Variants in ATP2B2 observed in about 807,000 individuals in gnomAD.
ATP2B2 encodes plasma membrane calcium-transporting ATPase 2.
ATP2B2 carries 15 observed loss-of-function variants against 120.0 expected under a neutral mutation model. That is an observed-to-expected ratio of 0.12 (90% CI 0.08 to 0.19). The LOEUF (loss-of-function observed/expected upper bound fraction) is 0.19, where lower values mean the gene tolerates loss of function less well. Among genes scored for constraint, ATP2B2 ranks in the 10% least tolerant of loss-of-function variants. The pLI is 1.00. For missense variants in ATP2B2, 1,045 were observed against 1,719.8 expected, an observed-to-expected ratio of 0.61 and a Z score of 6.94; for synonymous variants, 694 against 700.3, an observed-to-expected ratio of 0.99 and a Z score of 0.14.
chr3:10,339,123 C>A (rs954567376), intron 21 of ATP2B2, among the ~76,000 whole-genome samples: 1 of 152,152 alleles, frequency 6.6e-6, no homozygotes, highest in Non-Finnish European at 1.5e-5. Context: ...GTCAGCACTG[C>A]CCGCTGGCAT....
chr3:10,466,978 A>G (rs1258176115), intron 1 of ATP2B2, among the ~76,000 whole-genome samples: 1 of 152,186 alleles, frequency 6.6e-6, no homozygotes, highest in African/African-American at 2.4e-5. Flanking sequence ...AAGCCTGGTA[A>G]TGAAGTCTGC....
At chr3:10,699,818 CT>C (rs771176506) in intron 1 of ATP2B2, among the ~76,000 whole-genome samples, 1 of 152,102 alleles carries the variant, frequency 6.6e-6, no homozygotes, top group Non-Finnish European at 1.5e-5. Context: ...GTTCAGCCCC[CT>C]TTTGCTGTCC....
chr3:10,577,084 G>A (rs1202043309), intron 2 of ATP2B2, among the ~76,000 whole-genome samples: 1 of 150,312 alleles, frequency 6.7e-6, no homozygotes, highest in African/African-American at 2.5e-5. Flanking sequence ...GAAGCTGCCT[G>A]GGTATGGTCC....
At chr3:10,471,365 T>TGAGA (rs1491303327) in intron 1 of ATP2B2, among the ~76,000 whole-genome samples, 1 of 1,068 alleles carries the variant, frequency 9.4e-4, no homozygotes, top group East Asian at 0.12. Context: ...TCAGGAAACC[T>TGAGA]GTGTGTGTGT....
intron 2 of ATP2B2, among the ~76,000 whole-genome samples, chr3:10,607,241 G>A (rs1369043724): frequency 6.6e-6 from 1 of 152,132 alleles, no homozygotes; most frequent in Non-Finnish European, 1.5e-5. Context: ...AATAAGCCCA[G>A]GCAGTGGAAA....
At chr3:10,422,961 C>G (rs896599475) in intron 2 of ATP2B2, among the ~76,000 whole-genome samples, 1 of 152,166 alleles carries the variant, frequency 6.6e-6, no homozygotes, top group Non-Finnish European at 1.5e-5. Context: ...CCCACATGGG[C>G]AGGGAAGTGG....
At chr3:10,407,521 C>T (rs1443931939) in intron 3 of ATP2B2, among the ~76,000 whole-genome samples, 1 of 152,216 alleles carries the variant, frequency 6.6e-6, no homozygotes, top group African/African-American at 2.4e-5. Context: ...GGGCTGCCCG[C>T]CCTCTCAGAA....
At position 10,622,881 on chromosome 3, in the gene ATP2B2, C is replaced by T. The variant is rs573904010; in HGVS notation, c.-459-2920G>A. On this transcript the variant is annotated intron_variant, in intron 1 of 21. Coordinates refer to the ATP2B2 transcript ENST00000646379. ...GAAACCATTGCCTGGGCTTGAATCT[C>T]GGCTCCATAGCTTCCTGGCCCATGT... is the stretch of plus-strand genomic sequence containing the variant. Among the ~76,000 whole-genome samples the T allele has an allele frequency of 4.7e-4, 72 of 152,296 alleles. No homozygotes were observed. The South Asian group carries it at 0.011, about 22-fold the overall frequency.
chr3:10,503,915 G>C (rs1421213768), intron 1 of ATP2B2, among the ~76,000 whole-genome samples: 1 of 152,236 alleles, frequency 6.6e-6, no homozygotes, highest in Non-Finnish European at 1.5e-5. Context: ...CTGCATTCGT[G>C]TGTGTGCTGT....
intron 22 of ATP2B2, among the ~76,000 whole-genome samples, chr3:10,332,476 T>G (rs181573922): frequency 2.0e-5 from 3 of 152,230 alleles, no homozygotes; most frequent in African/African-American, 7.2e-5. Flanking sequence ...GGCTTTGCCT[T>G]GGATCGAAGT....
intron 17 of ATP2B2, 123 bp downstream of exon 17, chr3:10,345,908 G>C: frequency 1.0e-6 from 1 of 989,260 alleles, no homozygotes; most frequent in Non-Finnish European, 1.5e-6. Context: ...AGAAGGGTGG[G>C]CACCCACGGC....
At chr3:10,389,483 T>C (rs2061781588) in intron 5 of ATP2B2, among the ~76,000 whole-genome samples, 1 of 152,166 alleles carries the variant, frequency 6.6e-6, no homozygotes. Flanking sequence ...CTGCAGTAAG[T>C]AAGTGAGCCA....
intron 12 of ATP2B2, among the ~76,000 whole-genome samples, chr3:10,365,866 G>GATGAGTGGTGTGTTT (rs2061040871): frequency 3.5e-3 from 16 of 4,636 alleles, no homozygotes; most frequent in Admixed American, 4.1e-3. Flanking sequence ...TGGTGTGTGT[G>GATGAGTGGTGTGTTT]TATGTGTCAC....
chr3:10,357,512 C>CGGA (rs2060771037), intron 14 of ATP2B2, among the ~76,000 whole-genome samples: 1 of 152,098 alleles, frequency 6.6e-6, no homozygotes, highest in Non-Finnish European at 1.5e-5. Flanking sequence ...TCTTGTCTAT[C>CGGA]CCTTTTACCT....
intron 2 of ATP2B2, among the ~76,000 whole-genome samples, chr3:10,550,607 C>T (rs1189293768): frequency 6.6e-6 from 1 of 152,130 alleles, no homozygotes; most frequent in Non-Finnish European, 1.5e-5. Context: ...CAATGAAAGT[C>T]AACAGGAGTA....
intron 1 of ATP2B2, among the ~76,000 whole-genome samples, chr3:10,643,806 G>A (rs897981994): frequency 1.3e-5 from 2 of 152,106 alleles, no homozygotes; most frequent in Non-Finnish European, 2.9e-5. Flanking sequence ...ACTGGATCCT[G>A]TGCTGGAGGA....
chr3:10,679,011 T>C (rs1489963903), intron 1 of ATP2B2, among the ~76,000 whole-genome samples: 1 of 152,146 alleles, frequency 6.6e-6, no homozygotes, highest in African/African-American at 2.4e-5. Context: ...TAGTATGGGA[T>C]CTGGAAGTCA....
At chr3:10,332,905 A>G (rs556024573) in intron 22 of ATP2B2, among the ~76,000 whole-genome samples, 5 of 152,320 alleles carry the variant, frequency 3.3e-5, no homozygotes, top group African/African-American at 1.2e-4. Context: ...GCTCAGGTAT[A>G]AGGCAATAGG....
At position 10,449,534 on chromosome 3, in the gene ATP2B2, T is replaced by C. The variant is rs1473080344; in HGVS notation, c.10A>G (p.Met4Val). 11 of 1,614,264 alleles carry C rather than the reference T, an allele frequency of 6.8e-6. No individual in the cohort carries two copies. Among genetic ancestry groups the C allele is most frequent in the South Asian group, 1.1e-5 (1 of 91,088 alleles). ...TTGGAGTAAAAGTCGCTGTTGGTCA[T>C]GTCACCCATGTTTGCTGCGGTCCTT... MGD[M>V]TNSDFYSKNQ... is the part of the protein sequence containing the mutation. The change falls in exon 2 of 23, where the codon ATG becomes GTG. Residue 4 changes from methionine to valine, a missense_variant. Physicochemically the swap from Met to Val is conservative, Grantham distance 21. Transcript: ENST00000360273.
Sources: allele counts gnomAD v4.1 joint callset (sites outside exome capture counted in the v4.1 genomes callset), GRCh38; gene constraint gnomAD v4.1.1; transcripts MANE v1.5; gene names NCBI Gene and HGNC (gene_info 2026-07-23, HGNC 2026-07-21).